BMPER: variants seen among roughly 807,000 people sequenced by gnomAD.
BMPER encodes BMP binding endothelial regulator, also known as BMP-binding endothelial regulator protein.
BMPER carries 45 observed loss-of-function variants against 87.3 expected under a neutral mutation model. The ratio of observed to expected loss-of-function variants is 0.52; its 90% CI spans 0.41 to 0.66. The LOEUF is 0.66. Ranked by LOEUF, BMPER falls within the 30% of genes least tolerant of loss-of-function variation. The probability of loss-of-function intolerance (pLI) is 0.00; values close to 1 mark genes in which losing one functional copy is unlikely to be tolerated. For synonymous variants in BMPER, 326 were observed against 316.2 expected, an observed-to-expected ratio of 1.03 and a Z score of -0.33; for missense variants, 784 against 867.5, an observed-to-expected ratio of 0.90 and a Z score of 1.21.
intron 6 of BMPER, 81 bp downstream of exon 6, chr7:33,974,865 A>G (rs1186092984): frequency 1.5e-6 from 2 of 1,344,344 alleles, no homozygotes; most frequent in Non-Finnish European, 2.1e-6. Flanking sequence ...CCCGGTCTCT[A>G]CAGCCTCTCT....
intron 13 of BMPER, among the ~76,000 whole-genome samples, chr7:34,123,571 C>A (rs1790317531): frequency 6.6e-6 from 1 of 152,170 alleles, no homozygotes; most frequent in African/African-American, 2.4e-5. Context: ...GAGTGAGAAC[C>A]AGCAGTGGAG....
chr7:34,156,278 A>C lies in BMPER; in HGVS notation c.*3005A>C, dbSNP rs1583490054. Reference sequence around the variant, plus strand: ...CTGGAAAACTCTTCCTTTTTATGAGATATTTCAGACACACAAAAAGGCATA... The same window carrying C: ...CTGGAAAACTCTTCCTTTTTATGAGCTATTTCAGACACACAAAAAGGCATA... On this transcript the variant is annotated 3_prime_UTR_variant, in exon 15 of 15. Coordinates refer to ENST00000649409, the MANE Select transcript of BMPER (RefSeq NM_001365308.1). Among the ~76,000 whole-genome samples the C allele has an allele frequency of 6.6e-6, 1 of 152,254 alleles. No homozygotes were observed. The highest frequency in any genetic ancestry group is 1.9e-4 in the East Asian group (1 of 5,202).
At chr7:33,938,135 T>G (rs1224366186) in intron 3 of BMPER, among the ~76,000 whole-genome samples, 1 of 152,188 alleles carries the variant, frequency 6.6e-6, no homozygotes, top group East Asian at 1.9e-4. Context: ...TGGTTTCATG[T>G]AGATCGTCAA....
intron 13 of BMPER, among the ~76,000 whole-genome samples, chr7:34,137,461 G>C (rs1005975216): frequency 1.3e-5 from 2 of 152,234 alleles, no homozygotes; most frequent in Non-Finnish European, 2.9e-5. Flanking sequence ...ATGATTCACT[G>C]AATATTTACT....
chr7:33,924,867 G>A (rs1350026201), intron 2 of BMPER, among the ~76,000 whole-genome samples: 1 of 152,120 alleles, frequency 6.6e-6, no homozygotes, highest in Non-Finnish European at 1.5e-5. Context: ...TCACCATGTT[G>A]CCCAGGCTGG....
chr7:34,061,135 A>G (rs190216499), intron 10 of BMPER, among the ~76,000 whole-genome samples: 6 of 152,390 alleles, frequency 3.9e-5, no homozygotes, highest in East Asian at 1.9e-4. Flanking sequence ...TTAAATCCTT[A>G]TCACTAACCC....
chr7:34,074,083 G>A (rs1188687165), intron 11 of BMPER, among the ~76,000 whole-genome samples: 1 of 152,260 alleles, frequency 6.6e-6, no homozygotes, highest in African/African-American at 2.4e-5. Flanking sequence ...TTTCAAGTTG[G>A]TGAGCTCATG....
chr7:33,907,681 T>C (rs1783856306), intron 2 of BMPER, among the ~76,000 whole-genome samples: 1 of 152,202 alleles, frequency 6.6e-6, no homozygotes, highest in Non-Finnish European at 1.5e-5. Context: ...CATTTTTGCT[T>C]AGGAGTGTTT....
chr7:33,972,139 G>A (rs1414687447), intron 5 of BMPER, among the ~76,000 whole-genome samples: 3 of 152,048 alleles, frequency 2.0e-5, no homozygotes, highest in African/African-American at 4.8e-5. Flanking sequence ...TCCTGACCTC[G>A]TGGTCCACCC....
upstream of BMPER, chr7:33,905,438 T>TCCCC: frequency 4.3e-5 from 1 of 22,998 alleles, no homozygotes; most frequent in Non-Finnish European, 8.2e-5. Flanking sequence ...CCTTGGTCTC[T>TCCCC]CCCCCCGCCC....
intron 6 of BMPER, among the ~76,000 whole-genome samples, chr7:33,992,564 T>G (rs2127927514): frequency 6.7e-6 from 1 of 149,550 alleles, no homozygotes; most frequent in African/African-American, 2.4e-5. Flanking sequence ...GTCTTGACTC[T>G]TTATCCAATT....
intron 6 of BMPER, among the ~76,000 whole-genome samples, chr7:33,997,842 A>C (rs1338202556): frequency 6.6e-6 from 1 of 152,198 alleles, no homozygotes; most frequent in East Asian, 1.9e-4. Context: ...AAGGAGCCAG[A>C]TATGCTTGAA....
At chr7:33,978,254 A>C (rs1206493147) in intron 6 of BMPER, among the ~76,000 whole-genome samples, 1 of 152,238 alleles carries the variant, frequency 6.6e-6, no homozygotes, top group Non-Finnish European at 1.5e-5. Context: ...CCATCTTGGA[A>C]GCAGAGACAG....
intron 13 of BMPER, among the ~76,000 whole-genome samples, chr7:34,087,311 G>A (rs1223325319): frequency 2.0e-5 from 3 of 152,128 alleles, no homozygotes; most frequent in Admixed American, 6.6e-5. Flanking sequence ...GAAACTGAGG[G>A]ATCTTAACGT....
intron 4 of BMPER, among the ~76,000 whole-genome samples, chr7:33,969,725 G>A (rs1272230137): frequency 3.3e-5 from 5 of 152,140 alleles, no homozygotes; most frequent in African/African-American, 1.2e-4. Context: ...AAGCCCTAAA[G>A]TCCCTATTTT....
chr7:34,064,809 A>AT (rs1357920723), intron 11 of BMPER, among the ~76,000 whole-genome samples: 1 of 152,198 alleles, frequency 6.6e-6, no homozygotes, highest in Non-Finnish European at 1.5e-5. Context: ...TTCTTCCATC[A>AT]TTGCTGTAAA....
rs139590563 is a variant in BMPER, at chr7:34,056,740, C to A, written c.928-1319C>A. Among the ~76,000 whole-genome samples the A allele has an allele frequency of 3.3e-3, 496 of 152,044 alleles. 3 individuals carry two copies. Among genetic ancestry groups the A allele is most frequent in the African/African-American group, 0.011 (460 of 41,464 alleles). On this transcript the variant is annotated intron_variant, in intron 9 of 14. Transcript: ENST00000649409. Reference sequence around the variant, plus strand: ...TCAAGTGATTCTCCTGCCTCAGACTCCTGAGTAGCTGGGATTACAGGTGCA... The same window carrying A: ...TCAAGTGATTCTCCTGCCTCAGACTACTGAGTAGCTGGGATTACAGGTGCA...
intron 11 of BMPER, among the ~76,000 whole-genome samples, chr7:34,065,750 T>C (rs893140732): frequency 1.3e-5 from 2 of 152,230 alleles, no homozygotes; most frequent in South Asian, 2.1e-4. Context: ...TAAAAATAAA[T>C]TTGTACTCCA....
chr7:33,935,135 TA>T (rs1471511110), intron 2 of BMPER, among the ~76,000 whole-genome samples: 1 of 152,174 alleles, frequency 6.6e-6, no homozygotes, highest in African/African-American at 2.4e-5. Flanking sequence ...ATTATAAAAA[TA>T]AATCTAAGGG....
Sources: gnomAD v4.1 joint callset for allele counts (sites outside exome capture counted in the v4.1 genomes callset) on GRCh38, gnomAD v4.1.1 for gene constraint, MANE v1.5 for transcripts, NCBI Gene and HGNC (gene_info 2026-07-23, HGNC 2026-07-21) for gene names.